The following RBFOX1 variants were observed in gnomAD, a reference collection of about 807,000 sequenced individuals.
The protein encoded by RBFOX1 is RNA binding protein fox-1 homolog 1.
Under a neutral mutation model 57.7 loss-of-function variants are expected in RBFOX1, and 8 were observed. The ratio of observed to expected loss-of-function variants is 0.14; its 90% CI spans 0.08 to 0.25. RBFOX1 has a LOEUF of 0.25. Among genes scored for constraint, RBFOX1 ranks in the 10% least tolerant of loss-of-function variants. The pLI, the probability that RBFOX1 is intolerant of heterozygous loss-of-function variation, is 1.00. For synonymous variants in RBFOX1, 326 were observed against 222.4 expected (o/e 1.47, Z -4.15); for missense variants, 611 against 548.5 (o/e 1.11, Z -1.14).
At chr16:6,372,914 G>T (rs1016701609) in intron 2 of RBFOX1, among the ~76,000 whole-genome samples, 3 of 143,566 alleles carry the variant, frequency 2.1e-5, no homozygotes, top group Non-Finnish European at 4.6e-5. Context: ...AAGCGTAGTT[G>T]GTTAGGATTG....
At chr16:6,528,839 G>C (rs1022696012) in intron 2 of RBFOX1, among the ~76,000 whole-genome samples, 1 of 152,160 alleles carries the variant, frequency 6.6e-6, no homozygotes, top group Non-Finnish European at 1.5e-5. Flanking sequence ...TCCAAGGCCA[G>C]GTTGTGCCAA....
At chr16:5,488,389 C>A (rs1406788867) in intron 2 of RBFOX1, among the ~76,000 whole-genome samples, 1 of 143,328 alleles carries the variant, frequency 7.0e-6, no homozygotes, top group Non-Finnish European at 1.5e-5. Context: ...GTGGAAGATG[C>A]TGGTGTGGCG....
At chr16:6,636,939 A>G (rs1479974624) in intron 2 of RBFOX1, among the ~76,000 whole-genome samples, 2 of 107,770 alleles carry the variant, frequency 1.9e-5, no homozygotes, top group African/African-American at 1.0e-4. Context: ...ATAAATATAC[A>G]TAAAATATAC....
exon 3 of RBFOX1, chr16:5,599,057 G>C (rs2047279707): frequency 1.8e-6 from 2 of 1,114,542 alleles, no homozygotes; most frequent in Admixed American, 2.0e-5. Flanking sequence ...ACCGGGAATG[G>C]TTTTTACCTG....
intron 1 of RBFOX1, among the ~76,000 whole-genome samples, chr16:6,075,853 C>T (rs900336100): frequency 2.0e-5 from 3 of 152,204 alleles, no homozygotes; most frequent in African/African-American, 7.2e-5. Context: ...ACTGTTTATT[C>T]TGTGCCTGCC....
intron 1 of RBFOX1, among the ~76,000 whole-genome samples, chr16:6,197,179 G>C (rs573193647): frequency 6.6e-6 from 1 of 152,198 alleles, no homozygotes; most frequent in South Asian, 2.1e-4. Flanking sequence ...CTATGCATAC[G>C]TCTTATTTCT....
intron 4 of RBFOX1, among the ~76,000 whole-genome samples, chr16:7,358,296 G>A (rs929533920): frequency 3.3e-5 from 5 of 152,222 alleles, no homozygotes; most frequent in African/African-American, 9.6e-5. Context: ...GAAAGGGACA[G>A]GTGACAGTGG....
At chr16:7,174,778 T>TCAAAACAAACAGACAAA (rs1246583404) in intron 4 of RBFOX1, among the ~76,000 whole-genome samples, 1 of 152,188 alleles carries the variant, frequency 6.6e-6, no homozygotes, top group Non-Finnish European at 1.5e-5. Flanking sequence ...AGACTCAGTC[T>TCAAAACAAACAGACAAA]CAAAACAAAC....
intron 11 of RBFOX1, among the ~76,000 whole-genome samples, chr16:7,647,157 G>C (rs192900553): frequency 6.6e-6 from 1 of 152,140 alleles, no homozygotes; most frequent in African/African-American, 2.4e-5. Flanking sequence ...CAAGAACTGA[G>C]ATGGTTACTC....
chr16:7,695,937 A>G (rs1224774357), intron 14 of RBFOX1, among the ~76,000 whole-genome samples: 1 of 152,212 alleles, frequency 6.6e-6, no homozygotes, highest in East Asian at 1.9e-4. Flanking sequence ...TGGATGGGCT[A>G]AGCATAGGCA....
chr16:5,521,427 C>G (rs1306305882), intron 2 of RBFOX1, among the ~76,000 whole-genome samples: 1 of 152,104 alleles, frequency 6.6e-6, no homozygotes, highest in East Asian at 1.9e-4. Flanking sequence ...TTTAGGATCC[C>G]AAATCATTTC....
At chr16:5,956,074 A>C (rs1366585359) in intron 4 of RBFOX1, among the ~76,000 whole-genome samples, 4 of 152,060 alleles carry the variant, frequency 2.6e-5, no homozygotes, top group African/African-American at 9.7e-5. Context: ...GCAGGAGTTC[A>C]AGACCAGCCT....
chr16:5,676,264 A>G (rs1785202889), intron 3 of RBFOX1, among the ~76,000 whole-genome samples: 1 of 151,318 alleles, frequency 6.6e-6, no homozygotes, highest in Non-Finnish European at 1.5e-5. Flanking sequence ...AAAAAAAAAA[A>G]TAAAGGAAAA....
intron 2 of RBFOX1, among the ~76,000 whole-genome samples, chr16:6,632,051 G>T (rs2098391398): frequency 6.6e-6 from 1 of 152,126 alleles, no homozygotes. Context: ...ATAATGTTTG[G>T]ACAATGTTTA....
rs186091410 is a variant in RBFOX1, at chr16:5,800,488, C to T, written c.319-66815C>T. ...GAGCTTAGGCCAGGGTGTGAGTAGA[C>T]GGAGACTCCTCTGCTGGGCAATGGC... On this transcript the variant is annotated intron_variant, in intron 3 of 19. Coordinates refer to the RBFOX1 transcript ENST00000641259. 9.1e-4 allele frequency among the ~76,000 whole-genome samples: 138 copies of T among 152,188 alleles called. 1 individual carries two copies. Among genetic ancestry groups the T allele is most frequent in the African/African-American group, 3.0e-3 (124 of 41,504 alleles).
intron 4 of RBFOX1, among the ~76,000 whole-genome samples, chr16:7,369,906 G>A (rs1326565334): frequency 6.6e-6 from 1 of 152,204 alleles, no homozygotes; most frequent in African/African-American, 2.4e-5. Context: ...ACTTTACAGA[G>A]GAAGAAATTG....
intron 4 of RBFOX1, among the ~76,000 whole-genome samples, chr16:7,343,096 G>C (rs920051808): frequency 6.6e-6 from 1 of 152,142 alleles, no homozygotes; most frequent in Non-Finnish European, 1.5e-5. Context: ...TCTGGGGACA[G>C]ACTCTTTAGG....
intron 4 of RBFOX1, among the ~76,000 whole-genome samples, chr16:7,299,882 A>G (rs1376352375): frequency 6.6e-6 from 1 of 152,212 alleles, no homozygotes; most frequent in Non-Finnish European, 1.5e-5. Flanking sequence ...AAAATATCAT[A>G]AGTAGAAATT....
At chr16:7,693,332 T>C (rs2077793992) in intron 14 of RBFOX1, 2 of 1,613,554 alleles carry the variant, frequency 1.2e-6, no homozygotes, top group African/African-American at 1.3e-5. Flanking sequence ...TTCGTCTTCG[T>C]TGCAGCAGAT....
Sources: gnomAD v4.1 joint callset for allele counts (sites outside exome capture counted in the v4.1 genomes callset) on GRCh38, gnomAD v4.1.1 for gene constraint, MANE v1.5 for transcripts, NCBI Gene and HGNC (gene_info 2026-07-23, HGNC 2026-07-21) for gene names.